Variants in MKRN3 observed in about 807,000 individuals in gnomAD.
The protein encoded by MKRN3 is E3 ubiquitin-protein ligase makorin-3.
For missense variants in MKRN3, 749 were observed against 667.0 expected (o/e 1.12, Z -1.35); for synonymous variants, 301 against 250.2 (o/e 1.20, Z -1.91).
In MKRN3 at chr15:23,567,303, G is replaced by C; in HGVS notation, c.1521G>C (p.Leu507=). ...YELEEYFNLI[L] ...TGGAAGAATATTTCAATTTGATTCT[G>C]TAGCATCGTGCTGTGGCATGTGGTC... The change falls in exon 1 of 1, where the codon CTG becomes CTC. Residue 507 remains leucine (L), a synonymous_variant. Transcript: ENST00000314520. 3 of 1,613,838 alleles carry C rather than the reference G, an allele frequency of 1.9e-6. No individual in the cohort carries two copies. The highest frequency in any genetic ancestry group is 1.6e-4 in the Middle Eastern group (1 of 6,062).
chr15:23,566,644 G>T lies in MKRN3; in HGVS notation c.862G>T (p.Ala288Ser). 1 of 1,614,182 alleles carries T rather than the reference G, an allele frequency of 6.2e-7. No homozygotes were observed. The highest frequency in any genetic ancestry group is 8.5e-7 in the Non-Finnish European group (1 of 1,180,028). Residue 288 changes from alanine (A) to serine (S), a missense_variant, in exon 1 of 1, where the codon GCC becomes TCC. Physicochemically the swap from Ala to Ser is moderately conservative, Grantham distance 99. Coordinates refer to ENST00000314520, the MANE Select transcript of MKRN3 (RefSeq NM_005664.4). ...TGCCCAGAGGGAAGAACATATGAGG[G>T]CCTGCATTGAAGCACACGAGAAAGA... is the stretch of plus-strand genomic sequence containing the variant. ...DAAQREEHMR[A>S]CIEAHEKDME...
chr15:23,567,301 C>T lies in MKRN3; in HGVS notation c.1519C>T (p.Leu507=), dbSNP rs116680462. ...GCTGGAAGAATATTTCAATTTGATT[C>T]TGTAGCATCGTGCTGTGGCATGTGG... ...YELEEYFNLI[L] is the part of the protein sequence containing the mutation. The change falls in exon 1 of 1, where the codon CTG becomes TTG. Residue 507 remains leucine, a synonymous_variant. Coordinates refer to ENST00000314520, the MANE Select transcript of MKRN3 (RefSeq NM_005664.4). The T allele has an allele frequency of 1.9e-6, 3 of 1,613,752 alleles. No individual in the cohort carries two copies. Among genetic ancestry groups the T allele is most frequent in the East Asian group, 4.5e-5 (2 of 44,886 alleles).
rs983480863 is a variant in MKRN3, at chr15:23,565,702, C to T, written c.-81C>T. 4.4e-5 allele frequency: 61 copies of T among 1,381,718 alleles called. No individual in the cohort carries two copies. The highest frequency in any genetic ancestry group is 4.9e-5 in the Non-Finnish European group (51 of 1,042,396). 85.6% of individuals were successfully genotyped at this position (1,381,718 alleles called of 1,614,324 possible). A position where few individuals can be genotyped will look rare whatever the true frequency, so the allele number is the denominator to read the frequency against. The stretch of plus-strand genomic sequence containing the variant: ...CTTCCCCCAGAGAAGCCTCCGAGCG[C>T]GGCCGCCATTCCGGGCCTCAAGCCC... On this transcript the variant is annotated 5_prime_UTR_variant, in exon 1 of 1. Coordinates refer to ENST00000314520, the MANE Select transcript of MKRN3 (RefSeq NM_005664.4).
chr15:23,567,356 A>G lies in MKRN3; in HGVS notation c.*50A>G, dbSNP rs371147782. On this transcript the variant is annotated 3_prime_UTR_variant, in exon 1 of 1. Transcript: ENST00000314520. Reference sequence around the variant, plus strand: ...GTCTGCTGAGGTTCTGTCGTCTGCTATTGCCTGTTTTCCCTGTGTTGACAC... The same window carrying G: ...GTCTGCTGAGGTTCTGTCGTCTGCTGTTGCCTGTTTTCCCTGTGTTGACAC... 1.3e-5 allele frequency: 21 copies of G among 1,587,168 alleles called. No individual in the cohort carries two copies. The African/African-American group carries it at 2.6e-4, about 19-fold the overall frequency.
chr15:23,567,543 T>G lies in MKRN3; in HGVS notation c.*237T>G, dbSNP rs1049229261. 2.8e-5 allele frequency: 38 copies of G among 1,363,796 alleles called. No individual in the cohort carries two copies. The highest frequency in any genetic ancestry group is 2.1e-4 in the South Asian group (12 of 56,342). 84.5% of individuals were successfully genotyped at this position (1,363,796 alleles called of 1,614,324 possible). A position where few individuals can be genotyped will look rare whatever the true frequency, so the allele number is the denominator to read the frequency against. On this transcript the variant is annotated 3_prime_UTR_variant, in exon 1 of 1. Coordinates refer to ENST00000314520, the MANE Select transcript of MKRN3 (RefSeq NM_005664.4). ...TTAATGTCAGCTTATGGCTTTTTTTTGTCATCTCTGTTGTCAACAGGATTA... is the reference window on the plus strand; with the variant it reads ...TTAATGTCAGCTTATGGCTTTTTTTGGTCATCTCTGTTGTCAACAGGATTA...
chr15:23,567,473 G>T lies in MKRN3; in HGVS notation c.*167G>T. ...CCCTAGGATTATGGTGATTATCTGT[G>T]TTAAAAAATAAGTCCTTAAAGTTAC... On this transcript the variant is annotated 3_prime_UTR_variant, in exon 1 of 1. Transcript: ENST00000314520. 2 of 1,438,632 alleles carry T rather than the reference G, an allele frequency of 1.4e-6. No individual in the cohort carries two copies. Among genetic ancestry groups the T allele is most frequent in the Non-Finnish European group, 1.8e-6 (2 of 1,093,924 alleles). The allele number at this position is 1,438,632 out of a possible 1,614,324, so 89.1% of individuals were successfully genotyped here.
Position 23,566,212 on chromosome 15 carries a change from A to G in MKRN3, c.430A>G (p.Ser144Gly). 1 of 1,613,654 alleles carries G rather than the reference A, an allele frequency of 6.2e-7. No individual in the cohort carries two copies. Among genetic ancestry groups the G allele is most frequent in the Middle Eastern group, 1.7e-4 (1 of 6,056 alleles). ...TGGGGCCTCTGCAGGTGGAGGCCCT[A>G]GCACGGCTGCGCACATCGAGCCCCC... Reference protein sequence around the residue: ...PPGASAGGGPSTAAHIEPPTQ... With the variant: ...PPGASAGGGPGTAAHIEPPTQ... The change falls in exon 1 of 1, where the codon AGC becomes GGC. Residue 144 changes from serine (S) to glycine (G), a missense_variant. Physicochemically the swap from Ser to Gly is moderately conservative, Grantham distance 56 (BLOSUM62 0). Transcript: ENST00000314520.
Position 23,567,041 on chromosome 15 carries a change from A to G in MKRN3, c.1259A>G (p.His420Arg). 6.2e-7 allele frequency: 1 copy of G among 1,614,254 alleles called. No homozygotes were observed. The highest frequency in any genetic ancestry group is 8.5e-7 in the Non-Finnish European group (1 of 1,180,038). Residue 420 changes from histidine to arginine, a missense_variant, in exon 1 of 1, where the codon CAT becomes CGT. Physicochemically the swap from His to Arg is conservative, Grantham distance 29 (BLOSUM62 0). Transcript: ENST00000314520. ...CPFGDTCFYKHEYPEGWGDEP... is the reference protein window; with the variant it reads ...CPFGDTCFYKREYPEGWGDEP... ...TTTGGAGACACATGCTTTTACAAGC[A>G]TGAATACCCTGAGGGCTGGGGAGAT...
At position 23,567,622 on chromosome 15, in the gene MKRN3, CAA is replaced by C; in HGVS notation, c.*317_*318del. The C allele has an allele frequency of 1.8e-6, 2 of 1,140,506 alleles. No individual in the cohort carries two copies. The highest frequency in any genetic ancestry group is 5.9e-5 in the East Asian group (1 of 16,812). The allele number at this position is 1,140,506 out of a possible 1,614,324, so 70.6% of individuals were successfully genotyped here. A position where few individuals can be genotyped will look rare whatever the true frequency, so the allele number is the denominator to read the frequency against. ...TTTCCACACTTATTTTGAAGACCCT[CAA>C]GAGTAAATGTGGCAGAGTGAAAGGA... is the stretch of plus-strand genomic sequence containing the variant. On this transcript the variant is annotated 3_prime_UTR_variant, in exon 1 of 1. Transcript: ENST00000314520.
In MKRN3 at chr15:23,565,710, A is replaced by G; in HGVS notation, c.-73A>G. ...AGAGAAGCCTCCGAGCGCGGCCGCC[A>G]TTCCGGGCCTCAAGCCCATAAAGAA... On this transcript the variant is annotated 5_prime_UTR_variant, in exon 1 of 1. Coordinates refer to ENST00000314520, the MANE Select transcript of MKRN3 (RefSeq NM_005664.4). 1.4e-6 allele frequency: 2 copies of G among 1,423,698 alleles called. No homozygotes were observed. Among genetic ancestry groups the G allele is most frequent in the Non-Finnish European group, 9.3e-7 (1 of 1,077,544 alleles). 88.2% of individuals were successfully genotyped at this position (1,423,698 alleles called of 1,614,324 possible).
In MKRN3 at chr15:23,566,297, G is replaced by A. The variant is rs139225180; in HGVS notation, c.515G>A (p.Gly172Asp). ...TCCTCCCTTTCCTTGCCTGTGATTG[G>A]CTCGGCTGCTGAAAGGGGTTTCTTT... ...AASSLSLPVIGSAAERGFFEA... is the reference protein window; with the variant it reads ...AASSLSLPVIDSAAERGFFEA... Residue 172 changes from glycine to aspartate, a missense_variant, in exon 1 of 1, where the codon GGC becomes GAC. Coordinates refer to ENST00000314520, the MANE Select transcript of MKRN3 (RefSeq NM_005664.4). 9.2e-5 allele frequency: 149 copies of A among 1,613,930 alleles called. No homozygotes were observed. The highest frequency in any genetic ancestry group is 1.2e-4 in the Non-Finnish European group (144 of 1,180,050).
chr15:23,567,077 G>A lies in MKRN3; in HGVS notation c.1295G>A (p.Gly432Glu). 1.9e-6 allele frequency: 3 copies of A among 1,614,212 alleles called. No individual in the cohort carries two copies. The highest frequency in any genetic ancestry group is 2.5e-6 in the Non-Finnish European group (3 of 1,180,034). Reference sequence around the variant, plus strand: ...GAGGGCTGGGGAGATGAGCCTCCTGGGCCAGGTGGTGGGTCATTCAGCGCA... The same window carrying A: ...GAGGGCTGGGGAGATGAGCCTCCTGAGCCAGGTGGTGGGTCATTCAGCGCA... ...YPEGWGDEPP[G>E]PGGGSFSAYW... The change falls in exon 1 of 1, where the codon GGG becomes GAG. Residue 432 changes from glycine to glutamate, a missense_variant. Physicochemically the swap from Gly to Glu is moderately conservative, Grantham distance 98. Coordinates refer to ENST00000314520, the MANE Select transcript of MKRN3 (RefSeq NM_005664.4).
In MKRN3 at chr15:23,567,133, A is replaced by G. The variant is rs1263684928; in HGVS notation, c.1351A>G (p.Met451Val). The G allele has an allele frequency of 1.9e-6, 3 of 1,614,080 alleles. No homozygotes were observed. Among genetic ancestry groups the G allele is most frequent in the South Asian group, 1.1e-5 (1 of 91,084 alleles). The change falls in exon 1 of 1, where the codon ATG (methionine) becomes GTG (valine). Residue 451 changes from methionine to valine, a missense_variant. Coordinates refer to ENST00000314520, the MANE Select transcript of MKRN3 (RefSeq NM_005664.4). Reference sequence around the variant, plus strand: ...GCATCAACTTGTGGAGCCTGTGCGAATGGGAGAGGGCAACATGCTCTATAA... The same window carrying G: ...GCATCAACTTGTGGAGCCTGTGCGAGTGGGAGAGGGCAACATGCTCTATAA... ...YWHQLVEPVR[M>V]GEGNMLYKSI...
Position 23,566,747 on chromosome 15 carries a change from C to T in MKRN3, c.965C>T (p.Ala322Val), listed in dbSNP as rs760258851. The T allele has an allele frequency of 6.2e-7, 1 of 1,614,194 alleles. No homozygotes were observed. Among genetic ancestry groups the T allele is most frequent in the Non-Finnish European group, 8.5e-7 (1 of 1,180,038 alleles). The change falls in exon 1 of 1, where the codon GCC becomes GTC. Residue 322 changes from alanine (A) to valine (V), a missense_variant. Transcript: ENST00000314520. ...TGCATGGAGGTTGTCTATGAGAAGGCCAACCCCAATGACCGCCGCTTTGGC... is the reference window on the plus strand; with the variant it reads ...TGCATGGAGGTTGTCTATGAGAAGGTCAACCCCAATGACCGCCGCTTTGGC... Reference protein sequence around the residue: ...GICMEVVYEKANPNDRRFGIL... With the variant: ...GICMEVVYEKVNPNDRRFGIL...
rs758381200 is a variant in MKRN3 at position 23,567,013 on chromosome 15, C to G, written c.1231C>G (p.Pro411Ala). The stretch of plus-strand genomic sequence containing the variant: ...TTTTGCGGAAGGCAGGGGTAACTGC[C>G]CATTTGGAGACACATGCTTTTACAA... ...RYFAEGRGNC[P>A]FGDTCFYKHE... is the part of the protein sequence containing the mutation. The change falls in exon 1 of 1, where the codon CCA becomes GCA. Residue 411 changes from proline to alanine, a missense_variant. Pro to Ala is a conservative substitution (Grantham distance 27). Transcript: ENST00000314520. 6.2e-7 allele frequency: 1 copy of G among 1,614,000 alleles called. No homozygotes were observed. Among genetic ancestry groups the G allele is most frequent in the African/African-American group, 1.3e-5 (1 of 74,900 alleles).
In MKRN3 at chr15:23,567,338, G is replaced by C; in HGVS notation, c.*32G>C. ...GCTGTGGCATGTGGTCTAGTCTGCT[G>C]AGGTTCTGTCGTCTGCTATTGCCTG... is the stretch of plus-strand genomic sequence containing the variant. On this transcript the variant is annotated 3_prime_UTR_variant, in exon 1 of 1. Transcript: ENST00000314520. 6.2e-7 allele frequency: 1 copy of C among 1,604,776 alleles called. No homozygotes were observed. The highest frequency in any genetic ancestry group is 8.5e-7 in the Non-Finnish European group (1 of 1,174,482).
chr15:23,565,701 G>A lies in MKRN3; in HGVS notation c.-82G>A, dbSNP rs536810626. ...ACTTCCCCCAGAGAAGCCTCCGAGC[G>A]CGGCCGCCATTCCGGGCCTCAAGCC... On this transcript the variant is annotated 5_prime_UTR_variant, in exon 1 of 1. Coordinates refer to ENST00000314520, the MANE Select transcript of MKRN3 (RefSeq NM_005664.4). The A allele has an allele frequency of 3.1e-5, 42 of 1,376,232 alleles. No homozygotes were observed. Among genetic ancestry groups the A allele is most frequent in the Admixed American group, 8.4e-5 (3 of 35,896 alleles). 85.3% of individuals were successfully genotyped at this position (1,376,232 alleles called of 1,614,324 possible).
Position 23,566,588 on chromosome 15 carries a change from G to A in MKRN3, c.806G>A (p.Cys269Tyr), listed in dbSNP as rs964837030. ...MYLHGDICDM[C>Y]GLQTLHPMDA... ...CTCCATGGAGACATATGCGACATGT[G>A]TGGGCTGCAGACCTTGCACCCCATG... The change falls in exon 1 of 1, where the codon TGT (cysteine) becomes TAT (tyrosine). Residue 269 changes from cysteine (C) to tyrosine (Y), a missense_variant. Physicochemically the swap from Cys to Tyr is radical, Grantham distance 194. Coordinates refer to ENST00000314520, the MANE Select transcript of MKRN3 (RefSeq NM_005664.4). 1.2e-6 allele frequency: 2 copies of A among 1,614,212 alleles called. No homozygotes were observed. The highest frequency in any genetic ancestry group is 1.1e-5 in the South Asian group (1 of 91,082).
In MKRN3 at chr15:23,565,883, T is replaced by C. The variant is rs1380873690; in HGVS notation, c.101T>C (p.Val34Ala). ...REGVSGPDLP[V>A]CEPSGESAAP... is the part of the protein sequence containing the mutation. ...GGTGTGTCTGGGCCGGACCTTCCCG[T>C]CTGTGAGCCCTCCGGGGAATCTGCT... is the stretch of plus-strand genomic sequence containing the variant. Residue 34 changes from valine (V) to alanine (A), a missense_variant, in exon 1 of 1, where the codon GTC (valine) becomes GCC (alanine). Transcript: ENST00000314520. The C allele has an allele frequency of 1.9e-6, 3 of 1,613,692 alleles. No homozygotes were observed. The highest frequency in any genetic ancestry group is 1.6e-4 in the Middle Eastern group (1 of 6,066).
Sources: gnomAD v4.1 joint callset for allele counts on GRCh38, gnomAD v4.1.1 for gene constraint, MANE v1.5 for transcripts, NCBI Gene and HGNC (gene_info 2026-07-23, HGNC 2026-07-21) for gene names.